Variants in GOT1 observed in about 807,000 individuals in gnomAD.
The protein encoded by GOT1 is aspartate aminotransferase, cytoplasmic.
GOT1 carries 25 observed loss-of-function variants against 48.2 expected under a neutral mutation model. The observed-to-expected ratio is 0.52, with a 90% CI of 0.38 to 0.72. The LOEUF (loss-of-function observed/expected upper bound fraction) is 0.72. GOT1 is among the 30% of genes least tolerant of loss of function. The probability of loss-of-function intolerance (pLI) is 0.00; values close to 1 mark genes in which losing one functional copy is unlikely to be tolerated. For synonymous variants in GOT1, 188 were observed against 193.8 expected (o/e 0.97, Z 0.25); for missense variants, 380 against 520.1 (o/e 0.73, Z 2.62).
chr10:99,416,854 G>T (rs2032901627), intron 2 of GOT1, among the ~76,000 whole-genome samples: 1 of 152,208 alleles, frequency 6.6e-6, no homozygotes, highest in Admixed American at 6.5e-5. Context: ...AACAAATGGT[G>T]CTGGGAAAAC....
chr10:99,406,606 G>T, intron 3 of GOT1, 120 bp downstream of exon 3: 1 of 963,574 alleles, frequency 1.0e-6, no homozygotes, highest in Non-Finnish European at 1.6e-6. Flanking sequence ...CACTGTTCAA[G>T]CCATTCCCAA....
chr10:99,413,540 C>T (rs1286548121), intron 2 of GOT1, among the ~76,000 whole-genome samples: 1 of 152,162 alleles, frequency 6.6e-6, no homozygotes, highest in African/African-American at 2.4e-5. Context: ...AGGAGAAGTT[C>T]CCCAACCTAG....
intron 7 of GOT1, among the ~76,000 whole-genome samples, chr10:99,402,991 C>T (rs544539590): frequency 3.9e-5 from 6 of 152,144 alleles, no homozygotes; most frequent in Non-Finnish European, 7.3e-5. Flanking sequence ...CAGGCTTCAC[C>T]GAGGTGCTGC....
chr10:99,417,256 A>G (rs1319188230), intron 2 of GOT1, among the ~76,000 whole-genome samples: 1 of 152,200 alleles, frequency 6.6e-6, no homozygotes, highest in African/African-American at 2.4e-5. Context: ...AACCCCATCA[A>G]CAAGTGGGCG....
chr10:99,422,729 T>C (rs2032986946), intron 1 of GOT1, among the ~76,000 whole-genome samples: 2 of 152,222 alleles, frequency 1.3e-5, no homozygotes, highest in Admixed American at 6.5e-5. Context: ...TTCTTACATA[T>C]GCCCTTTTAA....
Position 99,397,779 on chromosome 10 carries a change from C to T in GOT1, c.1103-93G>A. 8.0e-7 allele frequency: 1 copy of T among 1,243,628 alleles called. No individual in the cohort carries two copies. The highest frequency in any genetic ancestry group is 1.2e-6 in the Non-Finnish European group (1 of 863,906). 77.0% of individuals were successfully genotyped at this position (1,243,628 alleles called of 1,614,324 possible). ...TTATATGACAATTACAGCTTTACTT[C>T]TTTCCCCTTAACAGAGAGAAGCAAA... On this transcript the variant is annotated intron_variant, in intron 8 of 8. Coordinates refer to ENST00000370508, the MANE Select transcript of GOT1 (RefSeq NM_002079.3). The surrounding 1 kb of genome is among the most constrained non-coding windows in gnomAD (Gnocchi z 5.4).
At chr10:99,408,694 G>A (rs2032792728) in intron 2 of GOT1, among the ~76,000 whole-genome samples, 1 of 152,108 alleles carries the variant, frequency 6.6e-6, no homozygotes, top group South Asian at 2.1e-4. Flanking sequence ...CCTCCAGCCT[G>A]GGCAACACAG....
chr10:99,403,414 C>T, intron 7 of GOT1, 55 bp downstream of exon 7: 1 of 1,395,134 alleles, frequency 7.2e-7, no homozygotes, highest in Non-Finnish European at 9.9e-7. Flanking sequence ...TGTACTGGGA[C>T]AATTACTGTT....
intron 1 of GOT1, among the ~76,000 whole-genome samples, chr10:99,422,249 T>C (rs1301679502): frequency 6.6e-6 from 1 of 152,214 alleles, no homozygotes. Flanking sequence ...TGCGCTTCAC[T>C]CTTCCTCCAT....
At position 99,406,228 on chromosome 10, in the gene GOT1, G is replaced by A; in HGVS notation, c.446C>T (p.Ser149Phe). 6.2e-7 allele frequency: 1 copy of A among 1,613,368 alleles called. No individual in the cohort carries two copies. Among genetic ancestry groups the A allele is most frequent in the Non-Finnish European group, 8.5e-7 (1 of 1,179,306 alleles). The change falls in exon 4 of 9, where the codon TCC becomes TTC. Residue 149 changes from serine to phenylalanine, a missense_variant. Transcript: ENST00000370508. ...PTWENHNAVF[S>F]AAGFKDIRSY... ...CCGAATGTCTTTAAAACCAGCAGCG[G>A]AAAACACAGCATTGTGATTCTCTGC...
chr10:99,416,727 A>G (rs2032900099), intron 2 of GOT1, among the ~76,000 whole-genome samples: 1 of 152,226 alleles, frequency 6.6e-6, no homozygotes, highest in East Asian at 1.9e-4. Context: ...GTACCAAAAC[A>G]GAGATATAGA....
intron 1 of GOT1, among the ~76,000 whole-genome samples, chr10:99,424,743 A>T (rs553336836): frequency 6.6e-6 from 1 of 152,292 alleles, no homozygotes; most frequent in East Asian, 1.9e-4. Context: ...GTGACTAAAA[A>T]AAAACTGGCC....
intron 8 of GOT1, among the ~76,000 whole-genome samples, chr10:99,399,446 C>A (rs926162798): frequency 6.6e-6 from 1 of 152,132 alleles, no homozygotes; most frequent in Non-Finnish European, 1.5e-5. Flanking sequence ...TATTTGAGTT[C>A]TATTTTGTAA....
At chr10:99,423,743 G>C (rs1203980709) in intron 1 of GOT1, among the ~76,000 whole-genome samples, 1 of 152,032 alleles carries the variant, frequency 6.6e-6, no homozygotes, top group Non-Finnish European at 1.5e-5. Context: ...CAACCCCCTG[G>C]GCTCAAGCAA....
intron 8 of GOT1, among the ~76,000 whole-genome samples, chr10:99,402,043 C>T (rs144723876): frequency 0.056 from 8,523 of 152,062 alleles, 357 homozygotes; most frequent in Middle Eastern, 0.1. Context: ...CTCCTGATCT[C>T]GTGATCTGCC....
At chr10:99,421,313 A>G (rs1273101574) in intron 1 of GOT1, among the ~76,000 whole-genome samples, 2 of 152,210 alleles carry the variant, frequency 1.3e-5, no homozygotes, top group African/African-American at 4.8e-5. Context: ...GGAGTGGAAG[A>G]AGGCCCACCA....
chr10:99,430,161 C>A, intron 1 of GOT1: 2 of 684,542 alleles, frequency 2.9e-6, no homozygotes, highest in South Asian at 1.5e-5. Context: ...TAGGAGGATG[C>A]AGTATAAAGA....
chr10:99,406,581 T>C (rs1019514234), intron 3 of GOT1, 145 bp downstream of exon 3: 18 of 714,682 alleles, frequency 2.5e-5, no homozygotes, highest in Non-Finnish European at 4.0e-5. Context: ...AGGTTTCTCA[T>C]GCACTGCCAT....
chr10:99,425,853 C>A (rs774319803), intron 1 of GOT1, among the ~76,000 whole-genome samples: 45 of 152,126 alleles, frequency 3.0e-4, no homozygotes, highest in Non-Finnish European at 5.0e-4. Context: ...GCCTGACATT[C>A]AGAGATGAGG....
Sources: gnomAD v4.1 joint callset for allele counts (sites outside exome capture counted in the v4.1 genomes callset) on GRCh38, gnomAD v4.1.1 for gene constraint, Gnocchi (gnomAD v3.1) non-coding constraint, MANE v1.5 for transcripts, NCBI Gene and HGNC (gene_info 2026-07-23, HGNC 2026-07-21) for gene names.